The following PPP1R12B variants were observed in gnomAD, a reference collection of about 807,000 sequenced individuals.
PPP1R12B encodes the protein myosin phosphatase target subunit 2.
PPP1R12B carries 76 observed loss-of-function variants against 126.1 expected under a neutral mutation model. The ratio of observed to expected loss-of-function variants is 0.60; its 90% CI spans 0.50 to 0.73. PPP1R12B has a LOEUF of 0.73. Among genes scored for constraint, PPP1R12B ranks in the 30% least tolerant of loss-of-function variants. The probability of loss-of-function intolerance (pLI) is 0.00; values close to 1 mark genes in which losing one functional copy is unlikely to be tolerated. For synonymous variants in PPP1R12B, 356 were observed against 434.7 expected (o/e 0.82, Z 2.25); for missense variants, 1,052 against 1,205.1 (o/e 0.87, Z 1.88).
intron 18 of PPP1R12B, chr1:202,558,473 T>C (rs1235845608): frequency 1.3e-5 from 2 of 159,000 alleles, no homozygotes; most frequent in Non-Finnish European, 2.7e-5. Context: ...ACAAAGGAAA[T>C]TAATAGAATG....
At chr1:202,524,565 C>T (rs929631964) in intron 18 of PPP1R12B, among the ~76,000 whole-genome samples, 1 of 152,154 alleles carries the variant, frequency 6.6e-6, no homozygotes, top group African/African-American at 2.4e-5. Flanking sequence ...ATCACTGACA[C>T]CTTTTCGTCC....
At chr1:202,541,965 A>G (rs1381360733) in intron 18 of PPP1R12B, among the ~76,000 whole-genome samples, 1 of 152,172 alleles carries the variant, frequency 6.6e-6, no homozygotes, top group Non-Finnish European at 1.5e-5. Flanking sequence ...GATTCCTACA[A>G]TACCATCAAC....
intron 1 of PPP1R12B, among the ~76,000 whole-genome samples, chr1:202,405,945 T>C (rs1405795539): frequency 6.6e-6 from 1 of 152,254 alleles, no homozygotes; most frequent in African/African-American, 2.4e-5. Context: ...TATCTCCTTT[T>C]ACGGATAATA....
Position 202,588,888 on chromosome 1 carries a change from T to G in PPP1R12B, c.*8328T>G, listed in dbSNP as rs1690003242. The G allele has an allele frequency of 1.4e-5, 2 of 147,950 alleles. No homozygotes were observed. The highest frequency in any genetic ancestry group is 3.0e-5 in the Non-Finnish European group (2 of 66,748). 9.2% of individuals were successfully genotyped at this position (147,950 alleles called of 1,614,324 possible). ...ATAGATAGATATCAAGGTTCCAAGC[T>G]TCAAGTAACCAAGAGTATATACGGT... On this transcript the variant is annotated 3_prime_UTR_variant, in exon 24 of 24. Coordinates refer to ENST00000608999, the MANE Select transcript of PPP1R12B (RefSeq NM_002481.4).
intron 1 of PPP1R12B, among the ~76,000 whole-genome samples, chr1:202,360,426 T>G (rs1216382048): frequency 6.6e-6 from 1 of 152,108 alleles, no homozygotes; most frequent in Admixed American, 6.6e-5. Flanking sequence ...AAATGTAAAT[T>G]GGCCGGGTGC....
At chr1:202,407,365 TC>T (rs1176765276) in intron 1 of PPP1R12B, among the ~76,000 whole-genome samples, 1 of 152,192 alleles carries the variant, frequency 6.6e-6, no homozygotes, top group African/African-American at 2.4e-5. Context: ...ACATTTGCAG[TC>T]TTGAGGTAAT....
intron 8 of PPP1R12B, among the ~76,000 whole-genome samples, chr1:202,432,299 C>T (rs1463996705): frequency 2.0e-5 from 3 of 150,754 alleles, no homozygotes; most frequent in South Asian, 2.1e-4. Context: ...GACAGAGTCT[C>T]GCTCTGTTGC....
At chr1:202,494,675 C>CAG (rs1022071747) in intron 15 of PPP1R12B, among the ~76,000 whole-genome samples, 1 of 149,686 alleles carries the variant, frequency 6.7e-6, no homozygotes, top group Non-Finnish European at 1.5e-5. Flanking sequence ...CACTGCACTC[C>CAG]AGCCTGGGCA....
At chr1:202,545,822 A>G (rs547414401) in intron 18 of PPP1R12B, among the ~76,000 whole-genome samples, 145 of 152,360 alleles carry the variant, frequency 9.5e-4, no homozygotes, top group African/African-American at 3.4e-3. Context: ...GAAAAAGAAT[A>G]TGAGAACATA....
At chr1:202,457,797 A>G (rs969793381) in intron 13 of PPP1R12B, among the ~76,000 whole-genome samples, 1 of 152,190 alleles carries the variant, frequency 6.6e-6, no homozygotes, top group Non-Finnish European at 1.5e-5. Flanking sequence ...TAAGTTAACT[A>G]TAAGTAGTAA....
intron 18 of PPP1R12B, among the ~76,000 whole-genome samples, chr1:202,516,896 G>C (rs1682209819): frequency 6.6e-6 from 1 of 151,466 alleles, no homozygotes; most frequent in Non-Finnish European, 1.5e-5. Flanking sequence ...TATGAAAATA[G>C]CTAGTTATTG....
rs1253797234 is a variant in PPP1R12B, at chr1:202,588,443, G to GTTGT, written c.*7885_*7888dup. 10 of 152,562 alleles carry GTTGT rather than the reference G, an allele frequency of 6.6e-5. No individual in the cohort carries two copies. The highest frequency in any genetic ancestry group is 1.3e-4 in the Admixed American group (2 of 15,280). 9.5% of individuals were successfully genotyped at this position (152,562 alleles called of 1,614,324 possible). On this transcript the variant is annotated 3_prime_UTR_variant, in exon 24 of 24. Coordinates refer to ENST00000608999, the MANE Select transcript of PPP1R12B (RefSeq NM_002481.4). ...TAAGATGAATGGTTTTGTTTTACTG[G>GTTGT]TTGTTGTTATATAGTTTTGAGTATT...
intron 13 of PPP1R12B, among the ~76,000 whole-genome samples, chr1:202,464,803 TA>T (rs1674772353): frequency 1.3e-5 from 2 of 152,164 alleles, no homozygotes; most frequent in Non-Finnish European, 2.9e-5. Flanking sequence ...AACTGTATGA[TA>T]AAAAAGGGAC....
At chr1:202,529,540 C>G (rs1468806950) in intron 18 of PPP1R12B, among the ~76,000 whole-genome samples, 1 of 152,114 alleles carries the variant, frequency 6.6e-6, no homozygotes, top group East Asian at 1.9e-4. Flanking sequence ...ACCTGATGGA[C>G]CATTCAGCCT....
intron 18 of PPP1R12B, among the ~76,000 whole-genome samples, chr1:202,540,533 A>C (rs772617930): frequency 6.6e-6 from 1 of 152,242 alleles, no homozygotes; most frequent in Non-Finnish European, 1.5e-5. Context: ...AAGATTTTAC[A>C]GTCCTTATCA....
At chr1:202,502,253 G>T (rs1232908229) in intron 18 of PPP1R12B, 2 of 983,894 alleles carry the variant, frequency 2.0e-6, no homozygotes. Flanking sequence ...AGATATCAAG[G>T]TACCTGCCTT....
At chr1:202,563,100 A>G (rs1296014685) in intron 20 of PPP1R12B, among the ~76,000 whole-genome samples, 178 bp downstream of exon 20, 1 of 151,064 alleles carries the variant, frequency 6.6e-6, no homozygotes, top group Non-Finnish European at 1.5e-5. Context: ...CTAGATAAAG[A>G]CCCCTTCAGA....
At chr1:202,494,831 T>TCGG (rs1320462298) in intron 15 of PPP1R12B, among the ~76,000 whole-genome samples, 1 of 152,184 alleles carries the variant, frequency 6.6e-6, no homozygotes, top group African/African-American at 2.4e-5. Flanking sequence ...TATTCAGAAC[T>TCGG]CGGTAGGATA....
rs1220833086 is a variant in PPP1R12B at position 202,518,662 on chromosome 1, T to A, written c.2490+21840T>A. Among the ~76,000 whole-genome samples, 4 of 152,248 alleles carry A rather than the reference T, an allele frequency of 2.6e-5. No homozygotes were observed. The East Asian group carries it at 7.7e-4, about 29-fold the overall frequency. On this transcript the variant is annotated intron_variant, in intron 18 of 23. Transcript: ENST00000608999. ...GTTAGCAGTGGTTGTATTTCTGTGA[T>A]GAGACTAAATGTGACTTTTTTTCTG...
Sources: gnomAD v4.1 joint callset for allele counts (sites outside exome capture counted in the v4.1 genomes callset) on GRCh38, gnomAD v4.1.1 for gene constraint, MANE v1.5 for transcripts, NCBI Gene and HGNC (gene_info 2026-07-23, HGNC 2026-07-21) for gene names.